Variants in PDE8A observed in about 807,000 individuals in gnomAD.
PDE8A encodes the protein phosphodiesterase 8A.
PDE8A carries 59 observed loss-of-function variants against 105.0 expected under a neutral mutation model. The observed-to-expected ratio is 0.56, with a 90% CI of 0.46 to 0.70. The LOEUF is 0.70. Ranked by LOEUF, PDE8A falls within the 30% of genes least tolerant of loss-of-function variation. The pLI, the probability that PDE8A is intolerant of heterozygous loss-of-function variation, is 0.00. For synonymous variants in PDE8A, 355 were observed against 371.9 expected, an observed-to-expected ratio of 0.95 and a Z score of 0.52; for missense variants, 1,014 against 1,045.9, an observed-to-expected ratio of 0.97 and a Z score of 0.42.
At chr15:85,031,230 G>T (rs2080609790) in intron 1 of PDE8A, among the ~76,000 whole-genome samples, 1 of 152,170 alleles carries the variant, frequency 6.6e-6, no homozygotes, top group Non-Finnish European at 1.5e-5. Context: ...GCCTGGAGTG[G>T]ATAAGTGACT....
chr15:85,074,453 G>A (rs897386029), intron 3 of PDE8A, among the ~76,000 whole-genome samples: 1 of 152,240 alleles, frequency 6.6e-6, no homozygotes, highest in African/African-American at 2.4e-5. Context: ...TGTAATCCCA[G>A]CACTTTGGGA....
At position 85,015,465 on chromosome 15, in the gene PDE8A, C is replaced by G. The variant is rs555513812; in HGVS notation, c.186+33117C>G. ...TCAAGCAACCCACCTGCCTCAGCCTCCCAAAGTGCTGAGAGTCATCTTTTT... is the reference window on the plus strand; with the variant it reads ...TCAAGCAACCCACCTGCCTCAGCCTGCCAAAGTGCTGAGAGTCATCTTTTT... On this transcript the variant is annotated intron_variant, in intron 1 of 21. Coordinates refer to ENST00000394553, the MANE Select transcript of PDE8A (RefSeq NM_002605.3). Among the ~76,000 whole-genome samples, 132 of 152,276 alleles carry G rather than the reference C, an allele frequency of 8.7e-4. 1 individual carries two copies. The highest frequency in any genetic ancestry group is 3.2e-4 in the Non-Finnish European group (22 of 68,030).
chr15:85,073,890 C>G (rs2081346462), intron 3 of PDE8A, among the ~76,000 whole-genome samples: 2 of 152,210 alleles, frequency 1.3e-5, no homozygotes, highest in Non-Finnish European at 1.5e-5. Context: ...TGCCTGCTCT[C>G]CCCAGTCAGG....
chr15:85,094,148 C>T (rs572997127), intron 8 of PDE8A, among the ~76,000 whole-genome samples: 7 of 152,286 alleles, frequency 4.6e-5, no homozygotes, highest in African/African-American at 1.7e-4. Flanking sequence ...CAGGCGTGAG[C>T]CACCATGCTT....
At position 85,075,773 on chromosome 15, in the gene PDE8A, T is replaced by C. The variant is rs1034797601; in HGVS notation, c.435-89T>C. ...CATTTACTCTCCCTTCTACCCCTCTTCCAACTTTAATTGTTGTAATTGTTT... is the reference window on the plus strand; with the variant it reads ...CATTTACTCTCCCTTCTACCCCTCTCCCAACTTTAATTGTTGTAATTGTTT... On this transcript the variant is annotated intron_variant, in intron 3 of 21. Transcript: ENST00000394553. 3.3e-5 allele frequency: 24 copies of C among 723,352 alleles called. 1 individual carries two copies. The highest frequency in any genetic ancestry group is 5.3e-5 in the Non-Finnish European group (23 of 435,454). 44.8% of individuals were successfully genotyped at this position (723,352 alleles called of 1,614,324 possible).
rs147189849 is a variant in PDE8A, at chr15:85,067,923, A to T, written c.434+719A>T. On this transcript the variant is annotated intron_variant, in intron 3 of 21. Coordinates refer to ENST00000394553, the MANE Select transcript of PDE8A (RefSeq NM_002605.3). ...CAGACTAGGTAGCGTTTACCCTTCCATGACTTGCCTCCAGTAGTTTCTCCT... is the reference window on the plus strand; with the variant it reads ...CAGACTAGGTAGCGTTTACCCTTCCTTGACTTGCCTCCAGTAGTTTCTCCT... 6.5e-3 allele frequency among the ~76,000 whole-genome samples: 984 copies of T among 152,252 alleles called. 14 individuals carry two copies. Among genetic ancestry groups the T allele is most frequent in the African/African-American group, 0.022 (932 of 41,530 alleles).
At chr15:85,119,467 T>TAAAAAAAAAAAA (rs2082145593) in intron 17 of PDE8A, among the ~76,000 whole-genome samples, 1 of 15,986 alleles carries the variant, frequency 6.3e-5, no homozygotes. Context: ...GACTCTCGTC[T>TAAAAAAAAAAAA]CAAAAAAAAA....
chr15:85,041,275 T>C (rs1297294609), intron 1 of PDE8A, among the ~76,000 whole-genome samples: 1 of 152,230 alleles, frequency 6.6e-6, no homozygotes, highest in African/African-American at 2.4e-5. Flanking sequence ...CTTAGTAAAG[T>C]AGTAGTCTAG....
At chr15:85,042,042 A>G (rs1359722591) in intron 1 of PDE8A, among the ~76,000 whole-genome samples, 3 of 151,856 alleles carry the variant, frequency 2.0e-5, no homozygotes, top group Non-Finnish European at 4.4e-5. Flanking sequence ...CATAATTAGT[A>G]GTAAAATTCC....
rs940749948 is a variant in PDE8A at position 85,117,714 on chromosome 15, A to G, written c.1609A>G (p.Thr537Ala). ...TGAATTCTTACACTGCTCCGAGTCA[A>G]CGCTAAGATCATGGTTACAAATTAT... is the stretch of plus-strand genomic sequence containing the variant. ...ICEFLHCSES[T>A]LRSWLQIIEA... The change falls in exon 17 of 22, where the codon ACG (threonine) becomes GCG (alanine). Residue 537 changes from threonine to alanine, a missense_variant. Coordinates refer to ENST00000394553, the MANE Select transcript of PDE8A (RefSeq NM_002605.3). The G allele has an allele frequency of 1.2e-6, 2 of 1,614,038 alleles. No homozygotes were observed. Among genetic ancestry groups the G allele is most frequent in the African/African-American group, 2.7e-5 (2 of 75,058 alleles).
intron 8 of PDE8A, 40 bp downstream of exon 8, chr15:85,091,221 CAGAG>C (rs755915996): frequency 1.3e-6 from 2 of 1,543,930 alleles, no homozygotes; most frequent in Admixed American, 1.9e-5. Flanking sequence ...TTTCACAACA[CAGAG>C]AGAAGGAAGA....
chr15:85,036,567 T>C (rs1369234257), intron 1 of PDE8A, among the ~76,000 whole-genome samples: 2 of 152,156 alleles, frequency 1.3e-5, no homozygotes, highest in Admixed American at 1.3e-4. Context: ...AGATGCAGGA[T>C]CCAGGTAGAA....
chr15:85,045,936 T>G (rs2080879348), intron 1 of PDE8A, among the ~76,000 whole-genome samples: 1 of 152,146 alleles, frequency 6.6e-6, no homozygotes, highest in East Asian at 1.9e-4. Flanking sequence ...TTGTATACAA[T>G]TAATGTAAAT....
chr15:85,123,845 C>T (rs545216292), intron 19 of PDE8A, among the ~76,000 whole-genome samples: 23 of 152,304 alleles, frequency 1.5e-4, no homozygotes, highest in Non-Finnish European at 2.9e-4. Flanking sequence ...AAAATTAGCA[C>T]ATCCAACTAG....
chr15:85,135,426 G>A lies in PDE8A; in HGVS notation c.2254-1108G>A, dbSNP rs188491677. 1.2e-3 allele frequency among the ~76,000 whole-genome samples: 190 copies of A among 152,204 alleles called. 1 individual carries two copies. Among genetic ancestry groups the A allele is most frequent in the Admixed American group, 4.2e-3 (64 of 15,286 alleles). On this transcript the variant is annotated intron_variant, in intron 20 of 21. Coordinates refer to ENST00000394553, the MANE Select transcript of PDE8A (RefSeq NM_002605.3). Reference sequence around the variant, plus strand: ...CCTGGCACTGGGGAGAAAGGCTAGTGTTCAATACAACAGCCACCATCCCTT... The same window carrying A: ...CCTGGCACTGGGGAGAAAGGCTAGTATTCAATACAACAGCCACCATCCCTT...
intron 14 of PDE8A, among the ~76,000 whole-genome samples, 165 bp downstream of exon 14, chr15:85,114,202 A>G (rs918566659): frequency 2.6e-5 from 4 of 152,134 alleles, no homozygotes; most frequent in South Asian, 2.1e-4. Context: ...TCTCTGGCCA[A>G]GCACCCACCT....
intron 12 of PDE8A, among the ~76,000 whole-genome samples, chr15:85,110,694 G>C (rs1046084340): frequency 6.6e-6 from 1 of 152,084 alleles, no homozygotes; most frequent in Non-Finnish European, 1.5e-5. Flanking sequence ...TCTTCTTCTT[G>C]TTTCCATTTT....
At chr15:85,109,247 A>G in intron 12 of PDE8A, 117 bp downstream of exon 12, 1 of 590,444 alleles carries the variant, frequency 1.7e-6, no homozygotes, top group Non-Finnish European at 3.0e-6. Flanking sequence ...AGAGGAGGGA[A>G]CCCTCTGGAA....
chr15:85,108,681 A>C (rs1456970794), intron 11 of PDE8A, among the ~76,000 whole-genome samples: 1 of 151,956 alleles, frequency 6.6e-6, no homozygotes, highest in Non-Finnish European at 1.5e-5. Context: ...AAAATAAAAG[A>C]TTTTTTTTCT....
Sources: allele counts gnomAD v4.1 joint callset (sites outside exome capture counted in the v4.1 genomes callset), GRCh38; gene constraint gnomAD v4.1.1; transcripts MANE v1.5; gene names NCBI Gene and HGNC (gene_info 2026-07-23, HGNC 2026-07-21).